The following ARVCF variants were observed in gnomAD, a reference collection of about 807,000 sequenced individuals.
ARVCF encodes splicing regulator ARVCF.
ARVCF carries 66 observed loss-of-function variants against 90.9 expected under a neutral mutation model. The observed-to-expected ratio is 0.73, with a 90% confidence interval of 0.60 to 0.89. The LOEUF is 0.89. Ranked by LOEUF, ARVCF falls within the 40% of genes least tolerant of loss-of-function variation. ARVCF has a pLI of 0.00. For missense variants in ARVCF, 1,469 were observed against 1,382.3 expected, an observed-to-expected ratio of 1.06 and a Z score of -1.00; for synonymous variants, 653 against 603.4, an observed-to-expected ratio of 1.08 and a Z score of -1.21.
intron 3 of ARVCF, chr22:19,986,955 T>C (rs1943806542): frequency 5.0e-6 from 3 of 595,104 alleles, no homozygotes; most frequent in African/African-American, 3.9e-5. Flanking sequence ...CGCAAGACAA[T>C]AGCTGCCTCG....
chr22:19,981,191 G>A lies in ARVCF; in HGVS notation c.896+20C>T, dbSNP rs75505084. Reference sequence around the variant, plus strand: ...AGACTTCCCAGAGGAGGTAGCCACAGGGGACGGGGTGCAGCTCACCTGGTA... The same window carrying A: ...AGACTTCCCAGAGGAGGTAGCCACAAGGGACGGGGTGCAGCTCACCTGGTA... On this transcript the variant is annotated intron_variant, in intron 5 of 19. Transcript: ENST00000263207. 6.5e-5 allele frequency: 97 copies of A among 1,501,392 alleles called. No homozygotes were observed. In the African/African-American group the frequency reaches 1.1e-3, roughly 18 times the overall value. The allele number at this position is 1,501,392 out of a possible 1,614,324, so 93.0% of individuals were successfully genotyped here.
At chr22:19,987,206 G>C (rs1943833165) in intron 3 of ARVCF, 1 of 390,364 alleles carries the variant, frequency 2.6e-6, no homozygotes, top group Non-Finnish European at 4.5e-6. Flanking sequence ...CGCTCCCCGC[G>C]GGGGCGGATC....
At chr22:20,006,027 G>C (rs1944612002) in intron 2 of ARVCF, among the ~76,000 whole-genome samples, 2 of 152,152 alleles carry the variant, frequency 1.3e-5, no homozygotes, top group Non-Finnish European at 2.9e-5. Context: ...CAAAAAGACA[G>C]ATACTGTGAG....
In ARVCF at chr22:19,972,570, G is replaced by A. The variant is rs369146419; in HGVS notation, c.2642-159C>T. ...AGCCTCACCCCAGCTTGACAACAGC[G>A]CGGATGCTGTGGGAAGGGAGTAGCC... On this transcript the variant is annotated intron_variant, in intron 16 of 19. Transcript: ENST00000263207. Among the ~76,000 whole-genome samples the A allele has an allele frequency of 1.3e-4, 20 of 152,282 alleles. No individual in the cohort carries two copies. The East Asian group carries it at 3.3e-3, about 25-fold the overall frequency.
At chr22:19,971,782 AC>A in intron 18 of ARVCF, 103 bp downstream of exon 18, 2 of 1,258,640 alleles carry the variant, frequency 1.6e-6, no homozygotes, top group Non-Finnish European at 1.1e-6. Flanking sequence ...ACCCAGCTGT[AC>A]CCCAGGGCCC....
chr22:19,979,518 C>A (rs773201307), intron 6 of ARVCF: 1 of 681,632 alleles, frequency 1.5e-6, no homozygotes, highest in South Asian at 2.1e-5. Flanking sequence ...AGGGGACATG[C>A]CCGAGGGGCG....
At chr22:19,991,725 G>GC (rs140403036) in intron 2 of ARVCF, among the ~76,000 whole-genome samples, 2,328 of 152,348 alleles carry the variant, frequency 0.015, 55 homozygotes, top group African/African-American at 0.053. Flanking sequence ...CTCCCAGCTT[G>GC]CCCCCTGGCT....
At chr22:20,007,957 T>G (rs17817586) in intron 2 of ARVCF, among the ~76,000 whole-genome samples, 3,578 of 152,230 alleles carry the variant, frequency 0.024, 66 homozygotes, top group East Asian at 0.067. Flanking sequence ...AGGTGCATCT[T>G]TATCTGGCTG....
intron 5 of ARVCF, 162 bp downstream of exon 5, chr22:19,981,049 G>T: frequency 1.0e-6 from 1 of 953,046 alleles, no homozygotes. Flanking sequence ...TACCACCCCA[G>T]GGTCCACCTT....
chr22:19,971,305 C>CG lies in ARVCF; in HGVS notation c.2811dup (p.Gly938ArgfsTer17), dbSNP rs926091565. 14 of 1,555,110 alleles carry CG rather than the reference C, an allele frequency of 9.0e-6. No homozygotes were observed. Among genetic ancestry groups the CG allele is most frequent in the South Asian group, 5.9e-5 (5 of 84,558 alleles). On this transcript the variant is annotated frameshift_variant, in exon 19 of 20. Transcript: ENST00000263207. LOFTEE classifies it high-confidence loss of function. The stretch of plus-strand genomic sequence containing the variant: ...AGCCTGACCGCGGGCCTGCTGGGCC[C>CG]GGGGGGAGGGGCCTTCCTGCTGGGG...
At chr22:20,006,153 T>TA (rs922911221) in intron 2 of ARVCF, among the ~76,000 whole-genome samples, 1 of 151,712 alleles carries the variant, frequency 6.6e-6, no homozygotes, top group Admixed American at 6.6e-5. Context: ...TTTGCAAGAA[T>TA]AAAAAAAAGT....
intron 2 of ARVCF, among the ~76,000 whole-genome samples, chr22:19,997,153 G>A (rs1276401788): frequency 6.6e-6 from 1 of 152,246 alleles, no homozygotes; most frequent in Non-Finnish European, 1.5e-5. Context: ...TGATACGGAA[G>A]CTGGGGTCCG....
chr22:19,989,992 T>C (rs1943965061), intron 3 of ARVCF, among the ~76,000 whole-genome samples: 1 of 152,148 alleles, frequency 6.6e-6, no homozygotes, highest in Non-Finnish European at 1.5e-5. Context: ...CATCTACAGG[T>C]TAGAGCACTG....
intron 9 of ARVCF, 70 bp from the exon 10 acceptor site, chr22:19,976,793 G>A: frequency 6.5e-7 from 1 of 1,528,840 alleles, no homozygotes; most frequent in East Asian, 2.4e-5. Context: ...ACCCCCCCAT[G>A]CCCTCCCGGA....
chr22:20,015,858 G>A (rs189625396), intron 1 of ARVCF, among the ~76,000 whole-genome samples: 6 of 152,358 alleles, frequency 3.9e-5, no homozygotes, highest in Admixed American at 1.3e-4. Flanking sequence ...ATTACACATA[G>A]CTAAGAAACG....
In ARVCF at chr22:19,970,174, G is replaced by T; in HGVS notation, c.*582C>A. On this transcript the variant is annotated 3_prime_UTR_variant, in exon 20 of 20. Transcript: ENST00000263207. ...GGCCTCACGTGACTGCAGGGCTCTG[G>T]GGAGGTGGGGCACCTGTAGCCTGAC... 1 of 988,016 alleles carries T rather than the reference G, an allele frequency of 1.0e-6. No homozygotes were observed. Among genetic ancestry groups the T allele is most frequent in the Non-Finnish European group, 1.2e-6 (1 of 831,522 alleles). 61.2% of individuals were successfully genotyped at this position (988,016 alleles called of 1,614,324 possible).
In ARVCF at chr22:19,979,881, C is replaced by T; in HGVS notation, c.1258G>A (p.Ala420Thr). ...GAGAGGTTGCGCAGTGCCCCACAGGCCCGGCGCCGCACCTCAGCCCGCGGG... is the reference window on the plus strand; with the variant it reads ...GAGAGGTTGCGCAGTGCCCCACAGGTCCGGCGCCGCACCTCAGCCCGCGGG... Reference protein sequence around the residue: ...DHPRAEVRRRACGALRNLSYG... With the variant: ...DHPRAEVRRRTCGALRNLSYG... The change falls in exon 6 of 20, where the codon GCC (alanine) becomes ACC (threonine). Residue 420 changes from alanine to threonine, a missense_variant. Transcript: ENST00000263207. 2 of 1,606,658 alleles carry T rather than the reference C, an allele frequency of 1.2e-6. No individual in the cohort carries two copies. Among genetic ancestry groups the T allele is most frequent in the South Asian group, 1.1e-5 (1 of 90,256 alleles).
rs1306054853 is a variant in ARVCF, at chr22:20,005,792, T to C, written c.-19+4663A>G. 1.6e-4 allele frequency among the ~76,000 whole-genome samples: 22 copies of C among 141,532 alleles called. No individual in the cohort carries two copies. In the East Asian group the frequency reaches 4.6e-3, roughly 30 times the overall value. The allele number at this position is 141,532 out of a possible 152,430, so 92.9% of individuals were successfully genotyped here. ...GCCTGGGCGGCAGAGCGAGACTCCG[T>C]CTAAAAAAAAAAAAAAAAAGAATTG... is the stretch of plus-strand genomic sequence containing the variant. On this transcript the variant is annotated intron_variant, in intron 2 of 19. Transcript: ENST00000263207.
intron 3 of ARVCF, among the ~76,000 whole-genome samples, chr22:19,984,310 G>C (rs952740320): frequency 7.2e-5 from 11 of 152,162 alleles, no homozygotes; most frequent in Non-Finnish European, 1.3e-4. Flanking sequence ...CTCCCACCAA[G>C]GCTGTGGTGA....
Sources: gnomAD v4.1 joint callset for allele counts (sites outside exome capture counted in the v4.1 genomes callset) on GRCh38, gnomAD v4.1.1 for gene constraint, MANE v1.5 for transcripts, NCBI Gene and HGNC (gene_info 2026-07-23, HGNC 2026-07-21) for gene names.